The following TMPRSS11F variants were observed in gnomAD, a reference collection of about 807,000 sequenced individuals.
The protein encoded by TMPRSS11F is transmembrane protease serine 11F.
A neutral mutation model predicts 60.2 loss-of-function variants in TMPRSS11F; 47 were observed. That is an observed-to-expected ratio of 0.78 (90% CI 0.62 to 1.00). The LOEUF (loss-of-function observed/expected upper bound fraction) is 1.00, where lower values mean the gene tolerates loss of function less well. TMPRSS11F is among the 50% of genes least tolerant of loss of function. The probability of loss-of-function intolerance (pLI) is 0.00; values close to 1 mark genes in which losing one functional copy is unlikely to be tolerated. For missense variants in TMPRSS11F, 519 were observed against 522.9 expected (o/e 0.99, Z 0.07); for synonymous variants, 166 against 167.3 (o/e 0.99, Z 0.06).
chr4:68,087,875 C>T (rs1227927997), intron 3 of TMPRSS11F, among the ~76,000 whole-genome samples: 1 of 115,550 alleles, frequency 8.7e-6, no homozygotes, highest in Non-Finnish European at 1.7e-5. Flanking sequence ...CCCCCTCCCC[C>T]CACCCCACAA....
intron 8 of TMPRSS11F, chr4:68,063,175 C>A (rs1723238551): frequency 6.6e-6 from 4 of 602,734 alleles, no homozygotes; most frequent in Non-Finnish European, 3.3e-6. Context: ...AACACCCAAA[C>A]AGCTGACAAA....
At chr4:68,091,649 T>A (rs374235441) in intron 2 of TMPRSS11F, among the ~76,000 whole-genome samples, 9 of 152,056 alleles carry the variant, frequency 5.9e-5, no homozygotes, top group African/African-American at 2.2e-4. Context: ...AGCCCTAATA[T>A]CCACATGGTC....
chr4:68,085,958 T>C (rs1214490743), intron 3 of TMPRSS11F, among the ~76,000 whole-genome samples: 9 of 152,030 alleles, frequency 5.9e-5, no homozygotes, highest in Admixed American at 3.3e-4. Context: ...ACTGATAACA[T>C]TACACAGATC....
intron 1 of TMPRSS11F, among the ~76,000 whole-genome samples, chr4:68,105,149 C>G (rs1366494631): frequency 7.1e-6 from 1 of 140,874 alleles, no homozygotes; most frequent in Admixed American, 7.8e-5. Context: ...GCCATCTGGT[C>G]CTGGGCTTTT....
chr4:68,127,118 C>T (rs1342345238), intron 1 of TMPRSS11F, among the ~76,000 whole-genome samples: 1 of 152,120 alleles, frequency 6.6e-6, no homozygotes, highest in African/African-American at 2.4e-5. Context: ...GTGCAAAAGG[C>T]CCTTCATAGT....
At chr4:68,128,060 A>T (rs1479576305) in intron 1 of TMPRSS11F, among the ~76,000 whole-genome samples, 1 of 152,100 alleles carries the variant, frequency 6.6e-6, no homozygotes, top group Non-Finnish European at 1.5e-5. Context: ...ACACATCTAA[A>T]TGATGGTACT....
chr4:68,069,753 T>C (rs374477361), intron 6 of TMPRSS11F, among the ~76,000 whole-genome samples: 1 of 151,990 alleles, frequency 6.6e-6, no homozygotes, highest in Non-Finnish European at 1.5e-5. Context: ...TTTAACCACA[T>C]CTCGTAGGTC....
At chr4:68,087,328 C>A (rs561878547) in intron 3 of TMPRSS11F, among the ~76,000 whole-genome samples, 8 of 152,182 alleles carry the variant, frequency 5.3e-5, no homozygotes, top group African/African-American at 1.4e-4. Context: ...ATGATAAAAA[C>A]CCTCAATAAA....
intron 3 of TMPRSS11F, among the ~76,000 whole-genome samples, chr4:68,087,197 A>T (rs1476373719): frequency 2.0e-5 from 3 of 152,202 alleles, no homozygotes; most frequent in Admixed American, 2.0e-4. Context: ...TATTCCTGGG[A>T]TGCAAGTGGC....
intron 2 of TMPRSS11F, 37 bp from the exon 3 acceptor site, chr4:68,090,678 G>C (rs767234047): frequency 2.5e-6 from 4 of 1,568,800 alleles, no homozygotes; most frequent in East Asian, 2.3e-5. Context: ...CATGGTTAAA[G>C]GTAATAAGTT....
In TMPRSS11F at chr4:68,090,464, ACATT is replaced by A. The variant is rs1723902233; in HGVS notation, c.282+55_282+58del. 22 of 1,514,190 alleles carry A rather than the reference ACATT, an allele frequency of 1.5e-5. No individual in the cohort carries two copies. The South Asian group carries it at 2.7e-4, about 19-fold the overall frequency. 93.8% of individuals were successfully genotyped at this position (1,514,190 alleles called of 1,614,324 possible). ...GAGACTAAGTTCCTATATAACACCC[ACATT>A]CAAAGTGATGCAAAAGACACATTAA... On this transcript the variant is annotated intron_variant, in intron 3 of 9. Transcript: ENST00000356291.
At chr4:68,116,138 T>C (rs1158168989) in intron 1 of TMPRSS11F, among the ~76,000 whole-genome samples, 1 of 152,158 alleles carries the variant, frequency 6.6e-6, no homozygotes, top group Non-Finnish European at 1.5e-5. Context: ...GAAAATATTT[T>C]TGACCTTGAA....
At chr4:68,074,293 A>G (rs1723540805) in intron 3 of TMPRSS11F, among the ~76,000 whole-genome samples, 1 of 152,256 alleles carries the variant, frequency 6.6e-6, no homozygotes, top group Non-Finnish European at 1.5e-5. Flanking sequence ...GATAACAACA[A>G]TATCTGCCTT....
At chr4:68,117,392 T>G (rs1724547083) in intron 1 of TMPRSS11F, among the ~76,000 whole-genome samples, 1 of 131,020 alleles carries the variant, frequency 7.6e-6, no homozygotes, top group East Asian at 2.4e-4. Context: ...GAGTGAACCC[T>G]GGGTGGCAGA....
At chr4:68,055,867 T>C (rs1321661042) in intron 9 of TMPRSS11F, among the ~76,000 whole-genome samples, 1 of 152,214 alleles carries the variant, frequency 6.6e-6, no homozygotes, top group African/African-American at 2.4e-5. Flanking sequence ...AAGTGGGATT[T>C]ATCCCTCAGA....
At chr4:68,098,703 A>T (rs537238926) in intron 2 of TMPRSS11F, among the ~76,000 whole-genome samples, 184 bp downstream of exon 2, 1 of 152,170 alleles carries the variant, frequency 6.6e-6, no homozygotes, top group Non-Finnish European at 1.5e-5. Context: ...CTTATTACAA[A>T]GTTAACTGGG....
chr4:68,100,989 C>A (rs1724180181), intron 1 of TMPRSS11F, among the ~76,000 whole-genome samples: 1 of 152,026 alleles, frequency 6.6e-6, no homozygotes. Flanking sequence ...ATTCCCATTC[C>A]TTTTCCCCCT....
At chr4:68,066,933 CAAA>C (rs550010835) in intron 7 of TMPRSS11F, among the ~76,000 whole-genome samples, 137 of 65,170 alleles carry the variant, frequency 2.1e-3, no homozygotes, top group African/African-American at 6.0e-3. Context: ...GACTTCATCT[CAAA>C]AAAAAAAAAA....
intron 1 of TMPRSS11F, among the ~76,000 whole-genome samples, chr4:68,113,957 C>T (rs1046228489): frequency 6.6e-6 from 1 of 151,856 alleles, no homozygotes; most frequent in Non-Finnish European, 1.5e-5. Context: ...AATTGAACCA[C>T]AAGTTAATAA....
Sources: allele counts gnomAD v4.1 joint callset (sites outside exome capture counted in the v4.1 genomes callset), GRCh38; gene constraint gnomAD v4.1.1; transcripts MANE v1.5; gene names NCBI Gene and HGNC (gene_info 2026-07-23, HGNC 2026-07-21).